Variants in AGBL1 observed in about 807,000 individuals in gnomAD.
AGBL1 encodes the protein AGBL carboxypeptidase 1, also known as cytosolic carboxypeptidase 4.
A neutral mutation model predicts 118.9 loss-of-function variants in AGBL1; 130 were observed. The ratio of observed to expected loss-of-function variants is 1.09; its 90% CI spans 0.95 to 1.26. The LOEUF (loss-of-function observed/expected upper bound fraction) is 1.26. Among genes scored for constraint, AGBL1 ranks in the 50% most tolerant of loss-of-function variants. The pLI, the probability that AGBL1 is intolerant of heterozygous loss-of-function variation, is 0.00. For missense variants in AGBL1, 1,584 were observed against 1,298.1 expected, an observed-to-expected ratio of 1.22 and a Z score of -3.38; for synonymous variants, 555 against 478.9, an observed-to-expected ratio of 1.16 and a Z score of -2.08.
At chr15:86,799,156 TTTTATTTTATTTTAC>T (rs1481454818) in intron 22 of AGBL1, among the ~76,000 whole-genome samples, 15 of 151,892 alleles carry the variant, frequency 9.9e-5, no homozygotes, top group African/African-American at 2.9e-4. Context: ...TGTAATTTTA[TTTTATTTTATTTTAC>T]TTTATTTTAT....
intron 1 of AGBL1, among the ~76,000 whole-genome samples, chr15:86,085,636 A>G (rs1440674398): frequency 6.6e-6 from 1 of 152,168 alleles, no homozygotes; most frequent in Non-Finnish European, 1.5e-5. Context: ...TCTTAGTCCC[A>G]GCCTTCAGCC....
intron 22 of AGBL1, among the ~76,000 whole-genome samples, chr15:86,840,303 G>T (rs1009921442): frequency 6.6e-5 from 10 of 152,116 alleles, no homozygotes; most frequent in Non-Finnish European, 1.5e-5. Context: ...CTCTTCAGTG[G>T]TAGAGGTAAC....
intron 23 of AGBL1, among the ~76,000 whole-genome samples, chr15:86,925,479 T>G (rs1275692049): frequency 6.6e-6 from 1 of 152,124 alleles, no homozygotes; most frequent in Admixed American, 6.5e-5. Context: ...CTTTTTCTAT[T>G]AATAACACCA....
chr15:86,758,057 A>AT (rs1486270045), intron 22 of AGBL1, among the ~76,000 whole-genome samples: 4 of 151,908 alleles, frequency 2.6e-5, no homozygotes, highest in Non-Finnish European at 5.9e-5. Context: ...CATTTTACAT[A>AT]TTTTTTCTGA....
chr15:86,765,258 C>CT (rs2078079687), intron 22 of AGBL1, among the ~76,000 whole-genome samples: 1 of 151,844 alleles, frequency 6.6e-6, no homozygotes, highest in Admixed American at 6.6e-5. Context: ...AAAAAATATG[C>CT]TTTTTCCAAC....
At chr15:86,215,261 G>C (rs1231540124) in intron 5 of AGBL1, among the ~76,000 whole-genome samples, 1 of 150,124 alleles carries the variant, frequency 6.7e-6, no homozygotes, top group Non-Finnish European at 1.5e-5. Flanking sequence ...GTGTGTGTGT[G>C]TGTGATTTTA....
At chr15:87,010,739 T>C (rs1368914231) in intron 24 of AGBL1, among the ~76,000 whole-genome samples, 2 of 152,348 alleles carry the variant, frequency 1.3e-5, no homozygotes, top group East Asian at 3.9e-4. Flanking sequence ...CCTGGTTCTC[T>C]AGCTTGAAAA....
At chr15:86,957,685 T>C (rs1371715422) in intron 23 of AGBL1, among the ~76,000 whole-genome samples, 1 of 152,074 alleles carries the variant, frequency 6.6e-6, no homozygotes, top group African/African-American at 2.4e-5. Context: ...TCAAATTTAA[T>C]TAAAGAAGCT....
In AGBL1 at chr15:86,338,050, A is replaced by G. The variant is rs151305855; in HGVS notation, c.2374+42642A>G. ...TTTGAGTTTGCAATCTAGTGAAGGG[A>G]CACATAAACTGATTAATTGAAATGG... On this transcript the variant is annotated intron_variant, in intron 17 of 22. Transcript: ENST00000614907. 5.3e-3 allele frequency among the ~76,000 whole-genome samples: 805 copies of G among 152,234 alleles called. 6 individuals carry two copies. The highest frequency in any genetic ancestry group is 0.018 in the African/African-American group (768 of 41,526).
chr15:86,925,257 A>G (rs2080524726), intron 23 of AGBL1, among the ~76,000 whole-genome samples: 1 of 152,008 alleles, frequency 6.6e-6, no homozygotes, highest in Admixed American at 6.6e-5. Context: ...GTTAAAACAG[A>G]GAGCTAAGCC....
chr15:86,468,925 C>G (rs2082441886), intron 18 of AGBL1, among the ~76,000 whole-genome samples: 1 of 152,080 alleles, frequency 6.6e-6, no homozygotes, highest in Non-Finnish European at 1.5e-5. Flanking sequence ...CTATGATTGA[C>G]TTTTTGTCTT....
chr15:86,107,014 A>G (rs1463078860), intron 1 of AGBL1, among the ~76,000 whole-genome samples: 6 of 152,162 alleles, frequency 3.9e-5, no homozygotes, highest in Non-Finnish European at 2.9e-5. Flanking sequence ...CGCCTGGAGG[A>G]GAAGAGTATT....
At chr15:86,433,026 C>T (rs1294897995) in intron 18 of AGBL1, among the ~76,000 whole-genome samples, 1 of 152,106 alleles carries the variant, frequency 6.6e-6, no homozygotes, top group Non-Finnish European at 1.5e-5. Flanking sequence ...ATTCAAGATG[C>T]TAAGAACAAA....
rs570915719 is a variant in AGBL1 at position 87,024,897 on chromosome 15, G to A, written c.3324-3928G>A. 4.6e-5 allele frequency among the ~76,000 whole-genome samples: 7 copies of A among 152,092 alleles called. No individual in the cohort carries two copies. The South Asian group carries it at 1.2e-3, about 27-fold the overall frequency. ...ACAAAAACACATGATGATCTCAATA[G>A]ATGCAGAAAAAGCATTTGACAAAAT... On this transcript the variant is annotated intron_variant, in intron 24 of 24. Transcript: ENST00000441037.
At chr15:86,202,373 C>T (rs982033757) in intron 5 of AGBL1, among the ~76,000 whole-genome samples, 1 of 152,160 alleles carries the variant, frequency 6.6e-6, no homozygotes, top group Non-Finnish European at 1.5e-5. Context: ...TTTCTCACTT[C>T]TTCCTTTTGT....
At chr15:86,519,255 A>G (rs2083157811) in intron 18 of AGBL1, among the ~76,000 whole-genome samples, 2 of 152,112 alleles carry the variant, frequency 1.3e-5, no homozygotes, top group Admixed American at 6.6e-5. Context: ...AATAATCACC[A>G]TTTTATGATT....
chr15:86,125,309 T>C (rs974300831), intron 1 of AGBL1, among the ~76,000 whole-genome samples: 3 of 152,188 alleles, frequency 2.0e-5, no homozygotes, highest in African/African-American at 7.2e-5. Flanking sequence ...TTAATCTTAT[T>C]TCCATGATGA....
chr15:86,153,860 A>G (rs867066309), intron 3 of AGBL1, among the ~76,000 whole-genome samples: 1 of 152,196 alleles, frequency 6.6e-6, no homozygotes. Flanking sequence ...ATTGCAGGTT[A>G]GCATTTTCTT....
chr15:86,385,289 C>T (rs2081167156), intron 17 of AGBL1, among the ~76,000 whole-genome samples: 1 of 152,062 alleles, frequency 6.6e-6, no homozygotes, highest in Non-Finnish European at 1.5e-5. Context: ...AAAAATGTGG[C>T]TACTAGAAAA....
Sources: gnomAD v4.1 joint callset for allele counts (sites outside exome capture counted in the v4.1 genomes callset) on GRCh38, gnomAD v4.1.1 for gene constraint, MANE v1.5 for transcripts, NCBI Gene and HGNC (gene_info 2026-07-23, HGNC 2026-07-21) for gene names.